Variants in SHISAL1 observed in about 807,000 individuals in gnomAD.
SHISAL1 encodes the protein shisa like 1, also known as protein shisa-like-1.
In SHISAL1, 9 loss-of-function variants were observed where a neutral mutation model predicts 22.6. That is an observed-to-expected ratio of 0.40 (90% CI 0.24 to 0.70). SHISAL1 has a LOEUF of 0.70. SHISAL1 is among the 30% of genes least tolerant of loss of function. The probability of loss-of-function intolerance (pLI) is 0.39; values close to 1 mark genes in which losing one functional copy is unlikely to be tolerated. For missense variants in SHISAL1, 246 were observed against 270.6 expected, an observed-to-expected ratio of 0.91 and a Z score of 0.64; for synonymous variants, 119 against 115.4, an observed-to-expected ratio of 1.03 and a Z score of -0.20.
Position 44,282,215 on chromosome 22 carries a change from G to A in SHISAL1, c.599+3213C>T, listed in dbSNP as rs200405151. On this transcript the variant is annotated intron_variant, in intron 4 of 4. Coordinates refer to ENST00000381176, the MANE Select transcript of SHISAL1 (RefSeq NM_001099294.2). ...TGAGGCTGGGCCCAGCAGTCGCCCA[G>A]CTTACTCCTCTGCCCCAGCTCTGGG... 2.8e-4 allele frequency among the ~76,000 whole-genome samples: 42 copies of A among 152,336 alleles called. No individual in the cohort carries two copies. In the East Asian group the frequency reaches 7.9e-3, roughly 29 times the overall value.
At chr22:44,306,547 A>G (rs12162686) in intron 1 of SHISAL1, among the ~76,000 whole-genome samples, 19,049 of 30,306 alleles carry the variant, frequency 0.63, 5,126 homozygotes, top group East Asian at 0.68. Context: ...TGACGATGGC[A>G]TGTGTGGAGG....
At position 44,310,137 on chromosome 22, in the gene SHISAL1, C is replaced by T. The variant is rs2055508234; in HGVS notation, c.-33+2614G>A. 6.6e-6 allele frequency among the ~76,000 whole-genome samples: 1 copy of T among 152,210 alleles called. No individual in the cohort carries two copies. The highest frequency in any genetic ancestry group is 1.9e-4 in the East Asian group (1 of 5,188). ...TAGTAACGGCCAATGTGACCTGAGC[C>T]CTGCTGACCTGATGCCTAGCCCTGC... is the stretch of plus-strand genomic sequence containing the variant. On this transcript the variant is annotated intron_variant, in intron 1 of 4. Coordinates refer to ENST00000381176, the MANE Select transcript of SHISAL1 (RefSeq NM_001099294.2). The surrounding 1 kb of genome is among the most constrained non-coding windows in gnomAD (Gnocchi z 4.0).
intron 4 of SHISAL1, among the ~76,000 whole-genome samples, chr22:44,269,217 C>T (rs2055187587): frequency 6.6e-6 from 1 of 151,464 alleles, no homozygotes; most frequent in African/African-American, 2.4e-5. Flanking sequence ...TATATACACA[C>T]ACACCACGCC....
At chr22:44,278,890 C>T (rs2055258072) in intron 4 of SHISAL1, among the ~76,000 whole-genome samples, 1 of 152,100 alleles carries the variant, frequency 6.6e-6, no homozygotes, top group South Asian at 2.1e-4. Context: ...CACAGTTGGG[C>T]ACCAGGGCGT....
chr22:44,252,089 G>T (rs1210670774), intron 4 of SHISAL1, among the ~76,000 whole-genome samples: 5 of 152,198 alleles, frequency 3.3e-5, no homozygotes, highest in Non-Finnish European at 7.3e-5. Context: ...TAAAGATTAT[G>T]ACCATCACAG....
intron 4 of SHISAL1, among the ~76,000 whole-genome samples, chr22:44,267,241 C>T (rs758431135): frequency 3.9e-5 from 6 of 152,082 alleles, no homozygotes; most frequent in Non-Finnish European, 8.8e-5. Context: ...CAGGTGGGAG[C>T]GCCTCCTCCC....
the SHISAL1 span, among the ~76,000 whole-genome samples, chr22:44,329,926 G>A: frequency 1.4e-3 from 212 of 152,348 alleles, no homozygotes; most frequent in African/African-American, 4.5e-3. Flanking sequence ...CTGATTCCCA[G>A]CAAGGTTTGG....
chr22:44,323,155 TCATCCATC>T, the SHISAL1 span, among the ~76,000 whole-genome samples: 3 of 128,468 alleles, frequency 2.3e-5, no homozygotes, highest in South Asian at 2.9e-4. Context: ...ATCCACCCAT[TCATCCATC>T]CATCCATCCA....
At chr22:44,270,164 G>A (rs1341049702) in intron 4 of SHISAL1, among the ~76,000 whole-genome samples, 2 of 152,112 alleles carry the variant, frequency 1.3e-5, no homozygotes, top group East Asian at 1.9e-4. Flanking sequence ...TCCACACTTC[G>A]CTGGCTCCAT....
chr22:44,288,427 G>A (rs937276389), intron 3 of SHISAL1, among the ~76,000 whole-genome samples: 5 of 152,104 alleles, frequency 3.3e-5, no homozygotes, highest in Non-Finnish European at 4.4e-5. Context: ...ACAAGGTCAG[G>A]AGATCGAGAC....
chr22:44,296,953 A>C, intron 2 of SHISAL1, 68 bp from the exon 3 acceptor site: 1 of 1,271,344 alleles, frequency 7.9e-7, no homozygotes. Flanking sequence ...AGGCAGGGGG[A>C]CTGGCCGGCC....
At chr22:44,325,696 C>T in the SHISAL1 span, among the ~76,000 whole-genome samples, 3 of 152,112 alleles carry the variant, frequency 2.0e-5, no homozygotes, top group Non-Finnish European at 4.4e-5. Context: ...ACTTGGCCTG[C>T]CTTGGGCTAC....
At chr22:44,327,240 G>GTGCA in the SHISAL1 span, among the ~76,000 whole-genome samples, 525 of 145,006 alleles carry the variant, frequency 3.6e-3, 1 homozygote, top group African/African-American at 7.7e-3. Flanking sequence ...TGGGGGGCGC[G>GTGCA]CACACACACA....
rs9614418 is a variant in SHISAL1 at position 44,278,263 on chromosome 22, C to G, written c.599+7165G>C. Among the ~76,000 whole-genome samples, 1,518 of 152,356 alleles carry G rather than the reference C, an allele frequency of 1.0e-2. 12 individuals carry two copies. Among genetic ancestry groups the G allele is most frequent in the Non-Finnish European group, 0.016 (1,082 of 68,038 alleles). Reference sequence around the variant, plus strand: ...GCTTCCTGCCCTTGAACATCAGACTCCAACCAAGTTCTTCAGCTTTAGGAC... The same window carrying G: ...GCTTCCTGCCCTTGAACATCAGACTGCAACCAAGTTCTTCAGCTTTAGGAC... On this transcript the variant is annotated intron_variant, in intron 4 of 4. Coordinates refer to ENST00000381176, the MANE Select transcript of SHISAL1 (RefSeq NM_001099294.2).
upstream of SHISAL1, among the ~76,000 whole-genome samples, chr22:44,317,939 G>A (rs62228560): frequency 0.13 from 19,306 of 152,268 alleles, 1,441 homozygotes; most frequent in Non-Finnish European, 0.17. Flanking sequence ...TGCTGAGCAC[G>A]GGGCCCTCTG....
intron 4 of SHISAL1, among the ~76,000 whole-genome samples, chr22:44,253,532 G>A (rs576811931): frequency 3.7e-4 from 55 of 149,262 alleles, no homozygotes; most frequent in Middle Eastern, 3.6e-3. Context: ...GGGTTCAAGC[G>A]TTTCTCCTGC....
intron 1 of SHISAL1, among the ~76,000 whole-genome samples, chr22:44,311,229 G>A (rs888361082): frequency 6.6e-6 from 1 of 152,146 alleles, no homozygotes; most frequent in Admixed American, 6.5e-5. Context: ...CCTACCAGGC[G>A]GGCATACCAC....
chr22:44,272,391 A>G (rs566024234), intron 4 of SHISAL1, among the ~76,000 whole-genome samples: 57 of 152,216 alleles, frequency 3.7e-4, no homozygotes, highest in Non-Finnish European at 5.9e-4. Flanking sequence ...ATCACTGGAC[A>G]GAGTTCCTTA....
chr22:44,269,300 CACACCATACTGCACAG>C (rs554755545), intron 4 of SHISAL1, among the ~76,000 whole-genome samples: 7,191 of 149,662 alleles, frequency 0.048, 583 homozygotes, highest in African/African-American at 0.17. Flanking sequence ...CCCCATGCCA[CACACCATACTGCACAG>C]ACACCCACAA....
Sources: allele counts gnomAD v4.1 joint callset (sites outside exome capture counted in the v4.1 genomes callset), GRCh38; gene constraint gnomAD v4.1.1; non-coding constraint Gnocchi (gnomAD v3.1); transcripts MANE v1.5; gene names NCBI Gene and HGNC (gene_info 2026-07-23, HGNC 2026-07-21).